Variants in PCDHGA6 observed in about 807,000 individuals in gnomAD.
PCDHGA6 encodes the protein protocadherin gamma-A6.
A neutral mutation model predicts 60.6 loss-of-function variants in PCDHGA6; 41 were observed. The observed-to-expected ratio is 0.68, with a 90% CI of 0.53 to 0.88. The LOEUF (loss-of-function observed/expected upper bound fraction) is 0.88, where lower values mean the gene tolerates loss of function less well. Ranked by LOEUF, PCDHGA6 falls within the 40% of genes least tolerant of loss-of-function variation. PCDHGA6 has a pLI of 0.00. For missense variants in PCDHGA6, 1,312 were observed against 1,203.0 expected (o/e 1.09, Z -1.34); for synonymous variants, 594 against 524.4 (o/e 1.13, Z -1.81).
intron 1 of PCDHGA6, chr5:141,378,592 C>T (rs1309988973): frequency 6.6e-6 from 1 of 152,104 alleles, no homozygotes; most frequent in Non-Finnish European, 1.5e-5. Flanking sequence ...GTAGTGTCTG[C>T]TTACAGGACA....
In PCDHGA6 at chr5:141,491,225, T is replaced by G. The variant is rs764111440; in HGVS notation, c.2425-3582T>G. The stretch of plus-strand genomic sequence containing the variant: ...CCTTCACTCTCCTCCACAGCCACAG[T>G]GCTGCTGGTTCTGGAGGATGAGGAC... On this transcript the variant is annotated intron_variant, in intron 1 of 3. Transcript: ENST00000517434. This position sits in a 1 kb window ranked among gnomAD's most constrained non-coding sequence, Gnocchi z 6.9. 6.2e-7 allele frequency: 1 copy of G among 1,614,232 alleles called. No individual in the cohort carries two copies. Among genetic ancestry groups the G allele is most frequent in the Non-Finnish European group, 8.5e-7 (1 of 1,180,028 alleles).
At chr5:141,392,873 G>C (rs1280602911) in intron 1 of PCDHGA6, 1 of 1,613,382 alleles carries the variant, frequency 6.2e-7, no homozygotes, top group Admixed American at 1.7e-5. Flanking sequence ...GCGCGCTGCT[G>C]GGAACGCTGT....
intron 1 of PCDHGA6, among the ~76,000 whole-genome samples, chr5:141,460,418 G>C (rs905215023): frequency 3.3e-5 from 5 of 152,096 alleles, no homozygotes; most frequent in Admixed American, 6.5e-5. Flanking sequence ...TGATGTTTAT[G>C]TATGGTGTAT....
intron 1 of PCDHGA6, chr5:141,424,500 G>A (rs2154550788): frequency 6.6e-6 from 1 of 152,208 alleles, no homozygotes; most frequent in African/African-American, 2.4e-5. Flanking sequence ...TGTATGTATG[G>A]AAGGTTTTTT....
chr5:141,502,825 G>A (rs1487995525), intron 2 of PCDHGA6, among the ~76,000 whole-genome samples: 4 of 151,216 alleles, frequency 2.6e-5, no homozygotes, highest in South Asian at 2.1e-4. Flanking sequence ...TTTCCTTGGG[G>A]AAGCCTGGAC....
chr5:141,468,677 T>A (rs545029270), intron 1 of PCDHGA6: 1 of 150,902 alleles, frequency 6.6e-6, no homozygotes, highest in African/African-American at 2.4e-5. Flanking sequence ...CCATCCTGGC[T>A]AACACGGTGA....
chr5:141,411,868 A>G (rs2095520425), intron 1 of PCDHGA6: 1 of 152,224 alleles, frequency 6.6e-6, no homozygotes, highest in South Asian at 2.1e-4. Flanking sequence ...TCAAAAAAAA[A>G]AGACATTTCT....
chr5:141,423,238 G>C (rs765040062), intron 1 of PCDHGA6: 4 of 1,613,778 alleles, frequency 2.5e-6, no homozygotes, highest in South Asian at 2.2e-5. Context: ...CAGCATCCCC[G>C]AAGTCCTGGC....
intron 1 of PCDHGA6, chr5:141,404,106 C>G: frequency 1.2e-6 from 2 of 1,613,428 alleles, no homozygotes; most frequent in Non-Finnish European, 1.7e-6. Flanking sequence ...GTTGTCTGTT[C>G]TATCCAGGAG....
Position 141,493,836 on chromosome 5 carries a change from A to G in PCDHGA6, c.2425-971A>G, listed in dbSNP as rs1411929024. Among the ~76,000 whole-genome samples the G allele has an allele frequency of 6.6e-6, 1 of 152,194 alleles. No individual in the cohort carries two copies. Among genetic ancestry groups the G allele is most frequent in the Non-Finnish European group, 1.5e-5 (1 of 68,038 alleles). On this transcript the variant is annotated intron_variant, in intron 1 of 3. Transcript: ENST00000517434. This position sits in a 1 kb window ranked among gnomAD's most constrained non-coding sequence, Gnocchi z 4.3. ...ACACTCTCTGCTTCTGGGAGCAAGT[A>G]TGAGTATTAATTACCAGCCCACCCC...
chr5:141,409,173 G>T (rs1235074997), intron 1 of PCDHGA6: 3 of 1,614,028 alleles, frequency 1.9e-6, no homozygotes. Flanking sequence ...GCGAAGGACG[G>T]AGGTGGTCTC....
intron 1 of PCDHGA6, chr5:141,413,963 C>T (rs1368202031): frequency 6.8e-6 from 11 of 1,613,446 alleles, no homozygotes; most frequent in Non-Finnish European, 9.3e-6. Context: ...CCTGTGGGCA[C>T]TCAGCTGCTG....
chr5:141,376,562 C>A, intron 1 of PCDHGA6, 55 bp downstream of exon 1: 1 of 1,608,850 alleles, frequency 6.2e-7, no homozygotes, highest in Non-Finnish European at 8.5e-7. Context: ...CGCAACCCAA[C>A]TAATCAGACA....
chr5:141,473,382 C>T (rs780229708), intron 1 of PCDHGA6, among the ~76,000 whole-genome samples: 3 of 152,190 alleles, frequency 2.0e-5, no homozygotes, highest in Non-Finnish European at 4.4e-5. Context: ...TGGTCCCTGC[C>T]CTCCTGGAGC....
At chr5:141,502,864 G>GTTTTTTTT in intron 2 of PCDHGA6, among the ~76,000 whole-genome samples, 3 of 61,566 alleles carry the variant, frequency 4.9e-5, no homozygotes, top group African/African-American at 2.4e-4. Context: ...CTGACTCTCT[G>GTTTTTTTT]TCTTTTTTTT....
rs753538822 is a variant in PCDHGA6, at chr5:141,476,676, G to C, written c.2425-18131G>C. 6 of 1,614,222 alleles carry C rather than the reference G, an allele frequency of 3.7e-6. No individual in the cohort carries two copies. Among genetic ancestry groups the C allele is most frequent in the Non-Finnish European group, 4.2e-6 (5 of 1,180,054 alleles). ...TACTTTGCGCTTCGCGTGCAGACGCGGGAGGACAGCACCAAGTACGCGGAG... is the reference window on the plus strand; with the variant it reads ...TACTTTGCGCTTCGCGTGCAGACGCCGGAGGACAGCACCAAGTACGCGGAG... On this transcript the variant is annotated intron_variant, in intron 1 of 3. Transcript: ENST00000517434. The surrounding 1 kb of genome is among the most constrained non-coding windows in gnomAD (Gnocchi z 7.6).
At chr5:141,418,066 C>T (rs777602456) in intron 1 of PCDHGA6, 1 of 1,613,980 alleles carries the variant, frequency 6.2e-7, no homozygotes, top group Non-Finnish European at 8.5e-7. Flanking sequence ...TGCGAGTGAG[C>T]GCGGAGAAGC....
chr5:141,453,022 T>C (rs1222692572), intron 1 of PCDHGA6, among the ~76,000 whole-genome samples: 1 of 152,230 alleles, frequency 6.6e-6, no homozygotes, highest in Non-Finnish European at 1.5e-5. Flanking sequence ...ATGTGATTCA[T>C]TAAAATAAAG....
Position 141,489,805 on chromosome 5 carries a change from A to T in PCDHGA6, c.2425-5002A>T. On this transcript the variant is annotated intron_variant, in intron 1 of 3. Transcript: ENST00000517434. The surrounding 1 kb of genome is among the most constrained non-coding windows in gnomAD (Gnocchi z 4.5). ...GAATGTGAAGACCCTAAAAGATGGG[A>T]AGCCATTCCCAGAGCTGGTGCTAGA... 1 of 1,614,166 alleles carries T rather than the reference A, an allele frequency of 6.2e-7. No individual in the cohort carries two copies. Among genetic ancestry groups the T allele is most frequent in the Non-Finnish European group, 8.5e-7 (1 of 1,180,012 alleles).
Sources: allele counts gnomAD v4.1 joint callset (sites outside exome capture counted in the v4.1 genomes callset), GRCh38; gene constraint gnomAD v4.1.1; non-coding constraint Gnocchi (gnomAD v3.1); transcripts MANE v1.5; gene names NCBI Gene and HGNC (gene_info 2026-07-23, HGNC 2026-07-21).